ITPR2: variants seen among roughly 807,000 people sequenced by gnomAD.
The protein encoded by ITPR2 is inositol 1,4,5-trisphosphate-gated calcium channel ITPR2.
In ITPR2, 207 loss-of-function variants were observed where a neutral mutation model predicts 317.1. The observed-to-expected ratio is 0.65, with a 90% CI of 0.58 to 0.73. The LOEUF (loss-of-function observed/expected upper bound fraction) is 0.73, where lower values mean the gene tolerates loss of function less well. ITPR2 is among the 30% of genes least tolerant of loss of function. The pLI is 0.00. For synonymous variants in ITPR2, 1,156 were observed against 1,149.1 expected, an observed-to-expected ratio of 1.01 and a Z score of -0.12; for missense variants, 2,613 against 3,284.0, an observed-to-expected ratio of 0.80 and a Z score of 4.99.
intron 37 of ITPR2, among the ~76,000 whole-genome samples, chr12:26,525,701 T>C (rs1943794358): frequency 6.6e-6 from 1 of 152,258 alleles, no homozygotes. Context: ...AACCACATCC[T>C]GAACAAAATA....
rs535010684 is a variant in ITPR2, at chr12:26,611,180, G to A, written c.3463-8474C>T. On this transcript the variant is annotated intron_variant, in intron 26 of 56. Transcript: ENST00000381340. ...GTCTCTGCTGAGGGGAAGAAGCCAC[G>A]GGTCCTATGAGAAGCCAAAATCAGT... Among the ~76,000 whole-genome samples the A allele has an allele frequency of 3.7e-4, 56 of 152,310 alleles. 1 individual carries two copies. The South Asian group carries it at 8.3e-3, about 23-fold the overall frequency.
chr12:26,752,098 T>C (rs1049800989), intron 2 of ITPR2, among the ~76,000 whole-genome samples: 1 of 152,206 alleles, frequency 6.6e-6, no homozygotes, highest in African/African-American at 2.4e-5. Context: ...AAACCCACCT[T>C]AATTTTAACA....
chr12:26,362,278 T>C (rs925214037), intron 55 of ITPR2, among the ~76,000 whole-genome samples: 1 of 152,224 alleles, frequency 6.6e-6, no homozygotes, highest in Non-Finnish European at 1.5e-5. Context: ...ACTTCCAGCC[T>C]GAGCTTAAGG....
intron 1 of ITPR2, among the ~76,000 whole-genome samples, chr12:26,795,710 A>C (rs1950424035): frequency 1.3e-5 from 2 of 152,188 alleles, no homozygotes; most frequent in South Asian, 4.1e-4. Context: ...GCATCCAGGC[A>C]TGGTGGTTCA....
chr12:26,486,228 G>A lies in ITPR2; in HGVS notation c.5687C>T (p.Pro1896Leu), dbSNP rs1942661524. ...DPEIDIMCTG[P>L]EAGNTEEKSA... The stretch of plus-strand genomic sequence containing the variant: ...TTTTTCCTCAGTGTTTCCCGCTTCT[G>A]GTCCTGTGCACATAATGTCTATTTC... Residue 1896 changes from proline (P) to leucine (L), a missense_variant, in exon 41 of 57, where the codon CCA (proline) becomes CTA (leucine). Pro to Leu is a moderately conservative substitution (Grantham distance 98, BLOSUM62 -3). This residue lies in a region of ITPR2 where 926 missense variants were observed against 1,072.8 expected (regional missense o/e 0.86). Transcript: ENST00000381340. 6.2e-7 allele frequency: 1 copy of A among 1,614,020 alleles called. No homozygotes were observed.
chr12:26,686,057 C>A (rs961588988), intron 11 of ITPR2, among the ~76,000 whole-genome samples: 2 of 152,148 alleles, frequency 1.3e-5, no homozygotes, highest in African/African-American at 4.8e-5. Flanking sequence ...TTCCCAATGC[C>A]AAGGGCAATG....
chr12:26,741,506 T>G (rs187397528), intron 2 of ITPR2, among the ~76,000 whole-genome samples: 101 of 152,322 alleles, frequency 6.6e-4, no homozygotes, highest in Non-Finnish European at 1.1e-3. Flanking sequence ...AATATAGTCC[T>G]TCCATTTTAC....
At position 26,583,591 on chromosome 12, in the gene ITPR2, A is replaced by T. The variant is rs116531284; in HGVS notation, c.4381-3436T>A. On this transcript the variant is annotated intron_variant, in intron 32 of 56. Transcript: ENST00000381340. ...TTTTTAACTCTTTAAAATATCTGCA[A>T]TTTGTTGATGAAGGTGACCTAATTT... Among the ~76,000 whole-genome samples the T allele has an allele frequency of 7.2e-3, 1,103 of 152,194 alleles. 18 individuals are homozygous for T. The highest frequency in any genetic ancestry group is 0.025 in the African/African-American group (1,035 of 41,520).
intron 41 of ITPR2, among the ~76,000 whole-genome samples, chr12:26,484,266 A>C (rs975669384): frequency 6.6e-6 from 1 of 151,042 alleles, no homozygotes; most frequent in South Asian, 2.1e-4. Flanking sequence ...GGGAAGTCGG[A>C]AAAAGAGAAA....
intron 37 of ITPR2, among the ~76,000 whole-genome samples, chr12:26,509,418 A>G (rs1165565467): frequency 6.6e-6 from 1 of 152,238 alleles, no homozygotes; most frequent in East Asian, 1.9e-4. Flanking sequence ...AGCTGTTACC[A>G]AAATATAAAA....
chr12:26,645,881 T>C (rs1947101331), intron 21 of ITPR2, among the ~76,000 whole-genome samples: 1 of 152,136 alleles, frequency 6.6e-6, no homozygotes, highest in South Asian at 2.1e-4. Flanking sequence ...TTTTCTATTC[T>C]TTCTGATCCC....
intron 46 of ITPR2, among the ~76,000 whole-genome samples, chr12:26,440,692 C>T (rs909625824): frequency 2.0e-5 from 3 of 151,852 alleles, no homozygotes; most frequent in African/African-American, 7.3e-5. Flanking sequence ...AATAATTGGA[C>T]ATATTTGATA....
chr12:26,561,772 T>C lies in ITPR2; in HGVS notation c.4811A>G (p.Glu1604Gly), dbSNP rs776535863. Residue 1604 changes from glutamate to glycine, a missense_variant, in exon 35 of 57, where the codon GAA becomes GGA. Coordinates refer to ENST00000381340, the MANE Select transcript of ITPR2 (RefSeq NM_002223.4). ...CACGCTTTCATGTACCTGTAACTTT[T>C]CAATAATATTTCTGTAATCCCAAGC... Reference protein sequence around the residue: ...GPAWDYRNIIEKLQDVVASLE... With the variant: ...GPAWDYRNIIGKLQDVVASLE... 6.4e-7 allele frequency: 1 copy of C among 1,571,328 alleles called. No homozygotes were observed. The highest frequency in any genetic ancestry group is 1.2e-5 in the South Asian group (1 of 80,618).
At chr12:26,575,849 A>G (rs553950314) in intron 34 of ITPR2, among the ~76,000 whole-genome samples, 3 of 152,334 alleles carry the variant, frequency 2.0e-5, no homozygotes, top group East Asian at 3.9e-4. Context: ...AGCAGTCACA[A>G]CATGGAATTT....
chr12:26,555,461 C>A (rs745354519), intron 36 of ITPR2, among the ~76,000 whole-genome samples: 2 of 152,190 alleles, frequency 1.3e-5, no homozygotes, highest in African/African-American at 4.8e-5. Context: ...TGACGACCTG[C>A]GGATCCCCCT....
chr12:26,686,990 T>A (rs958788377), intron 10 of ITPR2, among the ~76,000 whole-genome samples: 2 of 152,204 alleles, frequency 1.3e-5, no homozygotes, highest in African/African-American at 4.8e-5. Flanking sequence ...TGTTGAATCA[T>A]CTAGATTTCT....
chr12:26,640,618 T>C (rs181207596), intron 21 of ITPR2, among the ~76,000 whole-genome samples: 20 of 152,282 alleles, frequency 1.3e-4, no homozygotes, highest in African/African-American at 4.6e-4. Context: ...TAAATCTGAA[T>C]CTCTGTTATT....
intron 13 of ITPR2, among the ~76,000 whole-genome samples, chr12:26,680,464 A>T (rs1396946588): frequency 6.6e-6 from 1 of 152,276 alleles, no homozygotes; most frequent in African/African-American, 2.4e-5. Flanking sequence ...ACTGTTTTTT[A>T]AATTTTTTTA....
chr12:26,737,809 A>G (rs1949155229), intron 2 of ITPR2, among the ~76,000 whole-genome samples: 1 of 152,188 alleles, frequency 6.6e-6, no homozygotes, highest in South Asian at 2.1e-4. Context: ...AATATGTATT[A>G]TTATTACTTC....
Sources: allele counts gnomAD v4.1 joint callset (sites outside exome capture counted in the v4.1 genomes callset), GRCh38; gene constraint gnomAD v4.1.1; regional missense constraint gnomAD v4.1.1; transcripts MANE v1.5; gene names NCBI Gene and HGNC (gene_info 2026-07-23, HGNC 2026-07-21).